Variants in FARP2 observed in about 807,000 individuals in gnomAD.
FARP2 encodes the protein FERM, ARH/RhoGEF and pleckstrin domain protein 2, also known as FERM, ARHGEF and pleckstrin domain-containing protein 2.
A neutral mutation model predicts 130.5 loss-of-function variants in FARP2; 111 were observed. The ratio of observed to expected loss-of-function variants is 0.85; its 90% confidence interval spans 0.73 to 1.00. The LOEUF (loss-of-function observed/expected upper bound fraction) is 1.00, where lower values mean the gene tolerates loss of function less well. FARP2 is among the 50% of genes least tolerant of loss of function. The probability of loss-of-function intolerance (pLI) is 0.00; values close to 1 mark genes in which losing one functional copy is unlikely to be tolerated. For missense variants in FARP2, 1,385 were observed against 1,346.3 expected (o/e 1.03, Z -0.45); for synonymous variants, 504 against 516.9 (o/e 0.98, Z 0.34).
intron 1 of FARP2, among the ~76,000 whole-genome samples, chr2:241,365,837 G>A (rs1445718915): frequency 6.6e-6 from 1 of 151,628 alleles, no homozygotes; most frequent in African/African-American, 2.4e-5. Context: ...ATTTAATTTT[G>A]CTTTCTAATT....
chr2:241,371,025 C>A (rs935870561), intron 1 of FARP2, among the ~76,000 whole-genome samples: 1 of 152,142 alleles, frequency 6.6e-6, no homozygotes, highest in African/African-American at 2.4e-5. Context: ...ATAGTACTCA[C>A]ATTTTGCTTC....
intron 1 of FARP2, among the ~76,000 whole-genome samples, chr2:241,366,897 G>T (rs1317560301): frequency 6.6e-6 from 1 of 152,034 alleles, no homozygotes; most frequent in Non-Finnish European, 1.5e-5. Flanking sequence ...GAGTGTGCTG[G>T]CCCTGAATTT....
rs2063855057 is a variant in FARP2, at chr2:241,456,834, C to A, written c.1499C>A (p.Pro500Gln). The A allele has an allele frequency of 1.2e-6, 2 of 1,614,080 alleles. No homozygotes were observed. The highest frequency in any genetic ancestry group is 1.7e-6 in the Non-Finnish European group (2 of 1,179,986). The change falls in exon 14 of 27, where the codon CCA (proline) becomes CAA (glutamine). Residue 500 changes from proline to glutamine, a missense_variant. Physicochemically the swap from Pro to Gln is moderately conservative, Grantham distance 76. Transcript: ENST00000264042. ...CCTGCATTTCAGGTGCCTTTGGGCC[C>A]AGCTGAACAGGGCTCATCCCCACTC... The part of the protein sequence containing the change: ...LSPAFQVPLG[P>Q]AEQGSSPLLS...
chr2:241,474,836 T>TAAAA (rs766033536), intron 18 of FARP2, among the ~76,000 whole-genome samples: 10 of 146,036 alleles, frequency 6.8e-5, no homozygotes, highest in East Asian at 4.0e-4. Context: ...AATAAATAAA[T>TAAAA]AAAAAGAAAG....
intron 22 of FARP2, 95 bp from the exon 23 acceptor site, chr2:241,490,966 A>T: frequency 1.1e-6 from 1 of 892,418 alleles, no homozygotes; most frequent in Non-Finnish European, 1.9e-6. Context: ...GCAGAATGTG[A>T]GAGAACAGGT....
intron 21 of FARP2, chr2:241,488,685 C>A (rs796995998): frequency 7.2e-5 from 11 of 152,322 alleles, no homozygotes; most frequent in African/African-American, 2.2e-4. Context: ...CAGGTGTGAG[C>A]CACCGTGCCT....
chr2:241,471,868 CTGT>C, intron 18 of FARP2, among the ~76,000 whole-genome samples: 1 of 151,476 alleles, frequency 6.6e-6, no homozygotes, highest in Admixed American at 6.6e-5. Context: ...TGAAGGGAAC[CTGT>C]TCTGTCAGGA....
chr2:241,475,820 T>C lies in FARP2; in HGVS notation c.2132-37T>C. ...GGGTGGAGGGTGCTGTGCACACCAC[T>C]GCCTGTACACCTGTACTGAGGGGTC... On this transcript the variant is annotated intron_variant, in intron 18 of 26. Transcript: ENST00000264042. The surrounding 1 kb of genome is among the most constrained non-coding windows in gnomAD (Gnocchi z 4.4). 1.3e-6 allele frequency: 2 copies of C among 1,570,780 alleles called. No individual in the cohort carries two copies. The highest frequency in any genetic ancestry group is 1.7e-6 in the Non-Finnish European group (2 of 1,158,242).
intron 19 of FARP2, among the ~76,000 whole-genome samples, chr2:241,476,243 T>C (rs889447166): frequency 2.1e-5 from 3 of 144,620 alleles, no homozygotes; most frequent in African/African-American, 7.7e-5. Context: ...AAAGAATTGC[T>C]GGGTGTGGTG....
chr2:241,473,935 A>G (rs1187021817), intron 18 of FARP2, among the ~76,000 whole-genome samples: 1 of 152,130 alleles, frequency 6.6e-6, no homozygotes, highest in Non-Finnish European at 1.5e-5. Flanking sequence ...GTCAATGATG[A>G]TCTCTTCACC....
intron 2 of FARP2, among the ~76,000 whole-genome samples, chr2:241,383,878 G>C (rs543658862): frequency 6.6e-6 from 1 of 152,116 alleles, no homozygotes. Flanking sequence ...TTAGGCATCT[G>C]AGGAGAGGGT....
At chr2:241,426,731 A>G (rs2062948890) in intron 8 of FARP2, among the ~76,000 whole-genome samples, 1 of 152,164 alleles carries the variant, frequency 6.6e-6, no homozygotes, top group African/African-American at 2.4e-5. Context: ...GGATTATTGG[A>G]TGAATATGAA....
chr2:241,494,152 A>G lies in FARP2; in HGVS notation c.*27A>G. The G allele has an allele frequency of 7.5e-7, 1 of 1,342,228 alleles. No homozygotes were observed. Among genetic ancestry groups the G allele is most frequent in the Non-Finnish European group, 1.0e-6 (1 of 999,428 alleles). The allele number at this position is 1,342,228 out of a possible 1,614,324, so 83.1% of individuals were successfully genotyped here. A position where few individuals can be genotyped will look rare whatever the true frequency, so the allele number is the denominator to read the frequency against. ...GCTCAACCTGCCCAGGTTTGGACAC[A>G]ACTACAAAGAACAGCAGGACACAGA... On this transcript the variant is annotated 3_prime_UTR_variant, in exon 27 of 27. Transcript: ENST00000264042. The surrounding 1 kb of genome is among the most constrained non-coding windows in gnomAD (Gnocchi z 4.9).
intron 1 of FARP2, among the ~76,000 whole-genome samples, chr2:241,370,606 A>T (rs1231608374): frequency 6.6e-6 from 1 of 152,240 alleles, no homozygotes; most frequent in East Asian, 1.9e-4. Context: ...ACTCATAAAA[A>T]TTAAGTAAAA....
At position 241,373,232 on chromosome 2, in the gene FARP2, A is replaced by G; in HGVS notation, c.125A>G (p.Lys42Arg). The change falls in exon 2 of 27, where the codon AAG (lysine) becomes AGG (arginine). Residue 42 changes from lysine to arginine, a missense_variant. Transcript: ENST00000264042. ...ACTCTCTTGCCCAGAATGCAAGAGA[A>G]GCACCTGCACCTCAGAGTAAAGCTG... ...GQTLLPRMQE[K>R]HLHLRVKLLD... The G allele has an allele frequency of 6.4e-7, 1 of 1,565,398 alleles. No homozygotes were observed. The highest frequency in any genetic ancestry group is 8.7e-7 in the Non-Finnish European group (1 of 1,149,276).
At chr2:241,409,674 A>C (rs2062465019) in intron 5 of FARP2, among the ~76,000 whole-genome samples, 1 of 152,248 alleles carries the variant, frequency 6.6e-6, no homozygotes, top group Admixed American at 6.5e-5. Flanking sequence ...CATAGATATC[A>C]GAACTTTAAA....
At position 241,491,125 on chromosome 2, in the gene FARP2, G is replaced by A; in HGVS notation, c.2569G>A (p.Gly857Ser). 4 of 1,613,354 alleles carry A rather than the reference G, an allele frequency of 2.5e-6. No individual in the cohort carries two copies. Among genetic ancestry groups the A allele is most frequent in the South Asian group, 1.1e-5 (1 of 91,088 alleles). Residue 857 changes from glycine to serine, a missense_variant, in exon 23 of 27, where the codon GGC (glycine) becomes AGC (serine). Physicochemically the swap from Gly to Ser is moderately conservative, Grantham distance 56 (BLOSUM62 0). Transcript: ENST00000264042. ...CTCCGCGATCCAAGCAGCCAAGAGT[G>A]GCGGTGACACGGCCCCTGCACTGCC... is the stretch of plus-strand genomic sequence containing the variant. The part of the protein sequence containing the change: ...LNSAIQAAKS[G>S]GDTAPALPGR...
intron 14 of FARP2, 73 bp from the exon 15 acceptor site, chr2:241,462,450 A>G: frequency 9.5e-7 from 1 of 1,049,844 alleles, no homozygotes; most frequent in Non-Finnish European, 1.5e-6. Context: ...AACATTACCA[A>G]CTTCAGGCTC....
At chr2:241,425,836 G>A (rs2062924738) in intron 8 of FARP2, among the ~76,000 whole-genome samples, 1 of 146,954 alleles carries the variant, frequency 6.8e-6, no homozygotes, top group South Asian at 2.2e-4. Context: ...AACATTAAAA[G>A]GAAATTATTT....
Sources: allele counts gnomAD v4.1 joint callset (sites outside exome capture counted in the v4.1 genomes callset), GRCh38; gene constraint gnomAD v4.1.1; non-coding constraint Gnocchi (gnomAD v3.1); transcripts MANE v1.5; gene names NCBI Gene and HGNC (gene_info 2026-07-23, HGNC 2026-07-21).